PEX14: variants seen among roughly 807,000 people sequenced by gnomAD.
PEX14 encodes peroxisomal membrane protein PEX14.
In PEX14, 15 loss-of-function variants were observed where a neutral mutation model predicts 49.5. The observed-to-expected ratio is 0.30, with a 90% CI of 0.20 to 0.47. The LOEUF (loss-of-function observed/expected upper bound fraction) is 0.47. Ranked by LOEUF, PEX14 falls within the 20% of genes least tolerant of loss-of-function variation. The probability of loss-of-function intolerance (pLI) is 1.00; values close to 1 mark genes in which losing one functional copy is unlikely to be tolerated. For missense variants in PEX14, 398 were observed against 494.8 expected (o/e 0.80, Z 1.86); for synonymous variants, 210 against 212.7 (o/e 0.99, Z 0.11).
chr1:10,557,159 C>T (rs912770828), intron 3 of PEX14, among the ~76,000 whole-genome samples: 15 of 152,132 alleles, frequency 9.9e-5, no homozygotes, highest in African/African-American at 2.7e-4. Context: ...TTGTGTTCTG[C>T]TGAAAATATA....
intron 3 of PEX14, among the ~76,000 whole-genome samples, chr1:10,571,122 GT>G (rs1447653352): frequency 1.3e-5 from 2 of 148,662 alleles, no homozygotes; most frequent in East Asian, 4.0e-4. Context: ...CTCCCAAAGT[GT>G]TAGGATTACA....
Position 10,514,355 on chromosome 1 carries a change from C to T in PEX14, c.84+19034C>T, listed in dbSNP as rs969044912. On this transcript the variant is annotated intron_variant, in intron 2 of 8. Transcript: ENST00000356607. The surrounding 1 kb of genome is among the most constrained non-coding windows in gnomAD (Gnocchi z 4.4). ...GCGAGCGCCTGTGTACGCACGTGGT[C>T]GTCACCCGCCAGAAAGATGCCATAG... Among the ~76,000 whole-genome samples the T allele has an allele frequency of 2.0e-5, 3 of 152,058 alleles. No individual in the cohort carries two copies. The highest frequency in any genetic ancestry group is 7.2e-5 in the African/African-American group (3 of 41,398).
intron 3 of PEX14, among the ~76,000 whole-genome samples, chr1:10,584,823 A>G (rs1199051961): frequency 1.3e-5 from 2 of 152,352 alleles, no homozygotes; most frequent in South Asian, 2.1e-4. Context: ...ATGATCTTAC[A>G]TGGAAACATA....
chr1:10,611,381 A>G (rs1324032992), intron 4 of PEX14, among the ~76,000 whole-genome samples: 4 of 152,180 alleles, frequency 2.6e-5, no homozygotes, highest in Admixed American at 6.5e-5. Context: ...ATGTACCGCA[A>G]TTTCTTTATC....
At chr1:10,477,077 T>TC (rs1451262229) in intron 1 of PEX14, among the ~76,000 whole-genome samples, 1 of 148,452 alleles carries the variant, frequency 6.7e-6, no homozygotes, top group East Asian at 1.9e-4. Flanking sequence ...GAACTTTTCT[T>TC]TTTTTTTTTT....
chr1:10,484,422 C>T lies in PEX14; in HGVS notation c.36+9420C>T, dbSNP rs144142264. ...TCCTGACCTCATGTGATCCAACTGCCTTGGCCTCCCAATGTGTTGGGATTA... is the reference window on the plus strand; with the variant it reads ...TCCTGACCTCATGTGATCCAACTGCTTTGGCCTCCCAATGTGTTGGGATTA... On this transcript the variant is annotated intron_variant, in intron 1 of 8. Coordinates refer to ENST00000356607, the MANE Select transcript of PEX14 (RefSeq NM_004565.3). 3.3e-5 allele frequency among the ~76,000 whole-genome samples: 5 copies of T among 151,854 alleles called. No individual in the cohort carries two copies. In the East Asian group the frequency reaches 9.6e-4, roughly 29 times the overall value.
intron 3 of PEX14, among the ~76,000 whole-genome samples, chr1:10,592,873 C>T (rs910721531): frequency 2.0e-5 from 3 of 152,196 alleles, no homozygotes; most frequent in African/African-American, 7.2e-5. Flanking sequence ...GGCTTCTGGG[C>T]TCGCCTGCTG....
At chr1:10,626,397 T>G (rs1641745657) in intron 7 of PEX14, among the ~76,000 whole-genome samples, 1 of 152,204 alleles carries the variant, frequency 6.6e-6, no homozygotes, top group African/African-American at 2.4e-5. Context: ...TGACACGCAC[T>G]CACTCTCAGA....
At chr1:10,592,047 A>G (rs1640683711) in intron 3 of PEX14, among the ~76,000 whole-genome samples, 1 of 152,166 alleles carries the variant, frequency 6.6e-6, no homozygotes, top group Non-Finnish European at 1.5e-5. Context: ...GTCAAAGGCA[A>G]GTTGATTCCT....
intron 2 of PEX14, among the ~76,000 whole-genome samples, chr1:10,515,185 C>G (rs531325379): frequency 6.6e-6 from 1 of 151,950 alleles, no homozygotes; most frequent in Admixed American, 6.6e-5. Flanking sequence ...AAAGAGAATG[C>G]ACTTATTCAG....
At chr1:10,555,219 T>G (rs1454206463) in intron 3 of PEX14, among the ~76,000 whole-genome samples, 3 of 151,922 alleles carry the variant, frequency 2.0e-5, no homozygotes. Context: ...GGCTTTTACC[T>G]CTCCTATCTG....
At chr1:10,617,621 G>A (rs533559972) in intron 4 of PEX14, among the ~76,000 whole-genome samples, 8 of 152,098 alleles carry the variant, frequency 5.3e-5, no homozygotes, top group East Asian at 1.9e-4. Flanking sequence ...CCCACCTACC[G>A]TCTCTCTTTT....
At chr1:10,500,644 C>T (rs1041883641) in intron 2 of PEX14, among the ~76,000 whole-genome samples, 5 of 151,956 alleles carry the variant, frequency 3.3e-5, no homozygotes, top group East Asian at 1.9e-4. Flanking sequence ...GTGCAATCTC[C>T]GCTCACTGCA....
rs1290613528 is a variant in PEX14 at position 10,587,920 on chromosome 1, T to TAAAAA, written c.170-11312_170-11308dup. Among the ~76,000 whole-genome samples the TAAAAA allele has an allele frequency of 5.4e-3, 346 of 64,090 alleles. 6 individuals are homozygous for TAAAAA. Among genetic ancestry groups the TAAAAA allele is most frequent in the African/African-American group, 0.021 (311 of 14,988 alleles). 42.0% of individuals were successfully genotyped at this position (64,090 alleles called of 152,430 possible). A position where few individuals can be genotyped will look rare whatever the true frequency, so the allele number is the denominator to read the frequency against. On this transcript the variant is annotated intron_variant, in intron 3 of 8. Coordinates refer to ENST00000356607, the MANE Select transcript of PEX14 (RefSeq NM_004565.3). ...CTTTTTTTTTTTTTTTTTTTTTTTT[T>TAAAAA]AAAAAAAAAAGAGATGGAGTCTTGG...
intron 3 of PEX14, among the ~76,000 whole-genome samples, chr1:10,580,966 A>G (rs1021336103): frequency 6.6e-6 from 1 of 152,192 alleles, no homozygotes; most frequent in African/African-American, 2.4e-5. Context: ...GGATTAAAAC[A>G]TAAGCCACCT....
Position 10,629,738 on chromosome 1 carries a change from C to A in PEX14, c.885C>A (p.Pro295=). ...GSTVTYHLLG[P]QEEGEGVVDV... ...CGGTCACCTACCACTTGCTGGGCCC[C>A]CAGGAGGAAGGCGAGGGGGTGGTGG... The change falls in exon 9 of 9, where the codon CCC becomes CCA. Residue 295 remains proline (P), a synonymous_variant. Transcript: ENST00000356607. The surrounding 1 kb of genome is among the most constrained non-coding windows in gnomAD (Gnocchi z 8.5). The A allele has an allele frequency of 6.3e-7, 1 of 1,596,460 alleles. No homozygotes were observed. The highest frequency in any genetic ancestry group is 2.3e-5 in the East Asian group (1 of 43,792).
At chr1:10,588,711 A>G (rs1640572670) in intron 3 of PEX14, among the ~76,000 whole-genome samples, 1 of 152,136 alleles carries the variant, frequency 6.6e-6, no homozygotes. Context: ...ATGGTATCCA[A>G]GTGCTTGTGT....
At chr1:10,508,090 AC>A (rs1375689379) in intron 2 of PEX14, among the ~76,000 whole-genome samples, 4 of 151,618 alleles carry the variant, frequency 2.6e-5, no homozygotes, top group Non-Finnish European at 5.9e-5. Context: ...TTTCCCCCCA[AC>A]CCCACTCCCT....
rs1373371131 is a variant in PEX14 at position 10,564,126 on chromosome 1, CTT to C, written c.169+27831_169+27832del. Among the ~76,000 whole-genome samples, 14 of 152,106 alleles carry C rather than the reference CTT, an allele frequency of 9.2e-5. No individual in the cohort carries two copies. In the South Asian group the frequency reaches 1.2e-3, roughly 14 times the overall value. On this transcript the variant is annotated intron_variant, in intron 3 of 8. Coordinates refer to ENST00000356607, the MANE Select transcript of PEX14 (RefSeq NM_004565.3). ...GTAGTTATCCTATGTAACATAGAAT[CTT>C]TGAATATTCGGCCTGATTGCCTTGT...
Sources: gnomAD v4.1 joint callset for allele counts (sites outside exome capture counted in the v4.1 genomes callset) on GRCh38, gnomAD v4.1.1 for gene constraint, Gnocchi (gnomAD v3.1) non-coding constraint, MANE v1.5 for transcripts, NCBI Gene and HGNC (gene_info 2026-07-23, HGNC 2026-07-21) for gene names.